PI4K2B: variants seen among roughly 807,000 people sequenced by gnomAD.
PI4K2B encodes the protein phosphatidylinositol 4-kinase type 2 beta.
Under a neutral mutation model 56.6 loss-of-function variants are expected in PI4K2B, and 46 were observed. The observed-to-expected ratio is 0.81, with a 90% CI of 0.64 to 1.04. PI4K2B has a LOEUF of 1.04. Ranked by LOEUF, PI4K2B falls within the 50% of genes least tolerant of loss-of-function variation. The pLI, the probability that PI4K2B is intolerant of heterozygous loss-of-function variation, is 0.00. For synonymous variants in PI4K2B, 211 were observed against 223.8 expected, an observed-to-expected ratio of 0.94 and a Z score of 0.51; for missense variants, 556 against 607.7, an observed-to-expected ratio of 0.91 and a Z score of 0.89.
intron 6 of PI4K2B, among the ~76,000 whole-genome samples, chr4:25,261,462 T>C (rs937461282): frequency 2.0e-5 from 3 of 152,194 alleles, no homozygotes; most frequent in African/African-American, 7.2e-5. Context: ...TTTTATAAAA[T>C]ACTTTTACAA....
rs142178268 is a variant in PI4K2B at position 25,252,424 on chromosome 4, A to C, written c.372A>C (p.Glu124Asp). The C allele has an allele frequency of 1.0e-4, 169 of 1,612,378 alleles. No homozygotes were observed. The highest frequency in any genetic ancestry group is 1.3e-4 in the Non-Finnish European group (156 of 1,178,568). ...CAATAGAAGTTGGAATTTTTCCAGA[A>C]AGAATCTCTCAAGGTTCAAGTGGAA... ...EQAIEVGIFPERISQGSSGSY... is the reference protein window; with the variant it reads ...EQAIEVGIFPDRISQGSSGSY... The change falls in exon 2 of 10, where the codon GAA becomes GAC. Residue 124 changes from glutamate to aspartate, a missense_variant. By Grantham distance (45) the Glu-to-Asp change is conservative. Transcript: ENST00000264864.
chr4:25,242,041 C>A (rs915383566), intron 1 of PI4K2B, among the ~76,000 whole-genome samples: 2 of 152,284 alleles, frequency 1.3e-5, no homozygotes, highest in Admixed American at 1.3e-4. Flanking sequence ...TCCAAGGAAC[C>A]CACTTAACTG....
rs187527524 is a variant in PI4K2B, at chr4:25,278,677, A to T, written c.*1490A>T. On this transcript the variant is annotated 3_prime_UTR_variant, in exon 10 of 10. Transcript: ENST00000264864. ...ATGGAAAATTGACTGGAAATTCAAA[A>T]CTCAAACTACTATCTTTAGATATAA... 4 of 152,714 alleles carry T rather than the reference A, an allele frequency of 2.6e-5. No individual in the cohort carries two copies. The East Asian group carries it at 7.7e-4, about 29-fold the overall frequency. The allele number at this position is 152,714 out of a possible 1,614,324, so 9.5% of individuals were successfully genotyped here.
At chr4:25,274,499 TAA>T (rs1386729826) in intron 9 of PI4K2B, among the ~76,000 whole-genome samples, 2 of 152,314 alleles carry the variant, frequency 1.3e-5, no homozygotes, top group Middle Eastern at 3.4e-3. Context: ...GATCAGATTT[TAA>T]AGTCAGGGCA....
chr4:25,238,573 C>T (rs570249535), intron 1 of PI4K2B, among the ~76,000 whole-genome samples: 3 of 151,968 alleles, frequency 2.0e-5, no homozygotes, highest in Non-Finnish European at 4.4e-5. Context: ...GGAGTTTCTT[C>T]CTTCTGGTGG....
At chr4:25,241,142 A>C (rs1339574439) in intron 1 of PI4K2B, among the ~76,000 whole-genome samples, 1 of 152,208 alleles carries the variant, frequency 6.6e-6, no homozygotes, top group Non-Finnish European at 1.5e-5. Context: ...CTTTCTTTCC[A>C]CATTGCAGCA....
chr4:25,244,244 G>T (rs1715664253), intron 1 of PI4K2B, among the ~76,000 whole-genome samples: 1 of 152,072 alleles, frequency 6.6e-6, no homozygotes, highest in South Asian at 2.1e-4. Context: ...GGGGGTTTGT[G>T]GTCCTTTGGA....
intron 7 of PI4K2B, among the ~76,000 whole-genome samples, chr4:25,266,262 G>T (rs1249814910): frequency 6.6e-6 from 1 of 152,148 alleles, no homozygotes; most frequent in Non-Finnish European, 1.5e-5. Context: ...CAAACTCCTG[G>T]CTCAAGCAAT....
rs578241278 is a variant in PI4K2B at position 25,274,323 on chromosome 4, C to T, written c.1273-2691C>T. Among the ~76,000 whole-genome samples, 15 of 152,296 alleles carry T rather than the reference C, an allele frequency of 9.8e-5. No homozygotes were observed. The South Asian group carries it at 2.3e-3, about 23-fold the overall frequency. ...GCCTGGACCACAGCTGTCACATCCC[C>T]GTCAAGCTGTCATTATGGCATGGGT... On this transcript the variant is annotated intron_variant, in intron 9 of 9. Transcript: ENST00000264864.
In PI4K2B at chr4:25,265,198, C is replaced by CAA. The variant is rs71188933; in HGVS notation, c.1078+1371_1078+1372dup. Among the ~76,000 whole-genome samples, 379 of 65,392 alleles carry CAA rather than the reference C, an allele frequency of 5.8e-3. 33 individuals are homozygous for CAA. The highest frequency in any genetic ancestry group is 0.022 in the African/African-American group (327 of 14,916). 42.9% of individuals were successfully genotyped at this position (65,392 alleles called of 152,430 possible). A position where few individuals can be genotyped will look rare whatever the true frequency, so the allele number is the denominator to read the frequency against. ...CAACAAGAGTAAATCTCTGTCTCAC[C>CAA]AAAAAAAAAAAAAAAAAAAAAAATT... is the stretch of plus-strand genomic sequence containing the variant. On this transcript the variant is annotated intron_variant, in intron 7 of 9. Transcript: ENST00000264864.
chr4:25,276,823 G>A, intron 9 of PI4K2B, 191 bp from the exon 10 acceptor site: 2 of 982,170 alleles, frequency 2.0e-6, no homozygotes, highest in Non-Finnish European at 2.4e-6. Flanking sequence ...GTGTGCGCGT[G>A]TGTGTGTGCG....
At chr4:25,244,959 A>T (rs1229158122) in intron 1 of PI4K2B, among the ~76,000 whole-genome samples, 3 of 152,208 alleles carry the variant, frequency 2.0e-5, no homozygotes, top group African/African-American at 7.2e-5. Flanking sequence ...TAAAGATGTT[A>T]TGCCCCAAAA....
rs1283108542 is a variant in PI4K2B, at chr4:25,234,227, G to A, written c.64G>A (p.Glu22Lys). Residue 22 changes from glutamate to lysine, a missense_variant, in exon 1 of 10, where the codon GAG becomes AAG. Coordinates refer to ENST00000264864, the MANE Select transcript of PI4K2B (RefSeq NM_018323.4). ...SADGGSPEEE[E>K]DGEREPLLPR... ...GGACGGCGGGAGCCCGGAGGAGGAG[G>A]AGGATGGGGAGCGGGAGCCGCTGCT... is the stretch of plus-strand genomic sequence containing the variant. 1.4e-6 allele frequency: 2 copies of A among 1,426,522 alleles called. No individual in the cohort carries two copies. Among genetic ancestry groups the A allele is most frequent in the South Asian group, 1.4e-5 (1 of 69,878 alleles). The allele number at this position is 1,426,522 out of a possible 1,614,324, so 88.4% of individuals were successfully genotyped here.
Position 25,234,933 on chromosome 4 carries a change from G to T in PI4K2B, c.268+502G>T, listed in dbSNP as rs181194363. On this transcript the variant is annotated intron_variant, in intron 1 of 9. Transcript: ENST00000264864. The stretch of plus-strand genomic sequence containing the variant: ...GTTGTTATTATGAAGTTAGCCACAG[G>T]GGGCAAAAGCAGTTGAAAGTCTGTT... Among the ~76,000 whole-genome samples, 4 of 152,286 alleles carry T rather than the reference G, an allele frequency of 2.6e-5. No homozygotes were observed. In the East Asian group the frequency reaches 7.7e-4, roughly 29 times the overall value.
chr4:25,242,291 C>T (rs1577677115), intron 1 of PI4K2B, among the ~76,000 whole-genome samples: 1 of 152,184 alleles, frequency 6.6e-6, no homozygotes, highest in South Asian at 2.1e-4. Context: ...TATTGAAGGA[C>T]CAGAGTGCCT....
chr4:25,270,012 A>G (rs1303944659), intron 9 of PI4K2B, among the ~76,000 whole-genome samples: 4 of 152,110 alleles, frequency 2.6e-5, no homozygotes, highest in South Asian at 2.1e-4. Flanking sequence ...CACCGCGCCC[A>G]GCCTAACTTA....
chr4:25,239,717 G>A (rs144240177), intron 1 of PI4K2B, among the ~76,000 whole-genome samples: 1 of 152,234 alleles, frequency 6.6e-6, no homozygotes, highest in African/African-American at 2.4e-5. Context: ...CTCAAGTGCG[G>A]CCAGAGTGGG....
intron 3 of PI4K2B, among the ~76,000 whole-genome samples, chr4:25,255,736 T>G (rs1039994065): frequency 6.6e-6 from 1 of 152,228 alleles, no homozygotes; most frequent in Non-Finnish European, 1.5e-5. Flanking sequence ...TAGCTGGGAC[T>G]ACAGGCACAT....
chr4:25,260,784 A>T (rs928497942), intron 6 of PI4K2B, among the ~76,000 whole-genome samples, 193 bp downstream of exon 6: 10 of 149,210 alleles, frequency 6.7e-5, no homozygotes, highest in African/African-American at 2.5e-4. Context: ...CTTTCACTTA[A>T]TCCTTGGTTT....
Sources: allele counts gnomAD v4.1 joint callset (sites outside exome capture counted in the v4.1 genomes callset), GRCh38; gene constraint gnomAD v4.1.1; transcripts MANE v1.5; gene names NCBI Gene and HGNC (gene_info 2026-07-23, HGNC 2026-07-21).